The following IPP variants were observed in gnomAD, a reference collection of about 807,000 sequenced individuals.
The protein encoded by IPP is intracisternal A particle-promoted polypeptide, also known as actin-binding protein IPP.
In IPP, 41 loss-of-function variants were observed where a neutral mutation model predicts 64.1. The ratio of observed to expected loss-of-function variants is 0.64; its 90% confidence interval spans 0.50 to 0.83. The LOEUF (loss-of-function observed/expected upper bound fraction) is 0.83. IPP is among the 40% of genes least tolerant of loss of function. The probability of loss-of-function intolerance (pLI) is 0.00; values close to 1 mark genes in which losing one functional copy is unlikely to be tolerated. For missense variants in IPP, 649 were observed against 703.0 expected, an observed-to-expected ratio of 0.92 and a Z score of 0.87; for synonymous variants, 214 against 235.2, an observed-to-expected ratio of 0.91 and a Z score of 0.83.
intron 8 of IPP, among the ~76,000 whole-genome samples, chr1:45,706,238 T>C (rs1034551636): frequency 6.6e-6 from 1 of 152,098 alleles, no homozygotes; most frequent in East Asian, 1.9e-4. Context: ...AAAAGAGTCA[T>C]GCTTTAGTAA....
At chr1:45,726,178 G>C (rs953893691) in intron 5 of IPP, among the ~76,000 whole-genome samples, 12 of 150,450 alleles carry the variant, frequency 8.0e-5, no homozygotes. Flanking sequence ...AAAAAAAATG[G>C]CCGGGCATGG....
downstream of IPP, among the ~76,000 whole-genome samples, chr1:45,695,443 G>C (rs1569930371): frequency 1.3e-5 from 2 of 152,132 alleles, no homozygotes; most frequent in Admixed American, 1.3e-4. Flanking sequence ...TTGCAGGCGT[G>C]AGCCACTGCA....
chr1:45,746,223 T>A lies in IPP; in HGVS notation c.189A>T (p.Ala63=). 1 of 1,614,198 alleles carries A rather than the reference T, an allele frequency of 6.2e-7. No homozygotes were observed. ...LVLAASSPYF[A]ALFTGGMKES... is the part of the protein sequence containing the mutation. ...CTTTCATTCCTCCAGTGAACAAAGCTGCAAAGTAAGGACTGCTGGCAGCCA... is the reference window on the plus strand; with the variant it reads ...CTTTCATTCCTCCAGTGAACAAAGCAGCAAAGTAAGGACTGCTGGCAGCCA... Residue 63 remains alanine (A), a synonymous_variant, in exon 2 of 9, where the codon GCA becomes GCT. Coordinates refer to ENST00000396478, the MANE Select transcript of IPP (RefSeq NM_005897.3).
At chr1:45,741,403 T>C in intron 2 of IPP, 71 bp from the exon 3 acceptor site, 1 of 1,044,388 alleles carries the variant, frequency 9.6e-7, no homozygotes, top group South Asian at 1.6e-5. Context: ...TCAAAAAGTA[T>C]TATACTTGAT....
At chr1:45,717,127 G>T in intron 6 of IPP, 110 bp from the exon 7 acceptor site, 1 of 943,646 alleles carries the variant, frequency 1.1e-6, no homozygotes, top group South Asian at 1.6e-5. Context: ...TATCACATGA[G>T]CCAAAGAGGT....
intron 1 of IPP, among the ~76,000 whole-genome samples, chr1:45,750,173 CAGAA>C (rs1646202386): frequency 6.6e-6 from 1 of 152,248 alleles, no homozygotes; most frequent in African/African-American, 2.4e-5. Context: ...AAAGGGGTGT[CAGAA>C]AGAATCCCCG....
chr1:45,725,051 T>C (rs1570002565), intron 5 of IPP, among the ~76,000 whole-genome samples: 7 of 131,076 alleles, frequency 5.3e-5, no homozygotes, highest in South Asian at 2.8e-4. Flanking sequence ...AGCCGCCCCG[T>C]CCGGGAGGGA....
intron 2 of IPP, among the ~76,000 whole-genome samples, chr1:45,742,900 T>G (rs1405060778): frequency 5.3e-5 from 8 of 152,096 alleles, no homozygotes; most frequent in Admixed American, 2.0e-4. Context: ...TATACCACTT[T>G]CTTTTCCAAG....
rs1266848654 is a variant in IPP at position 45,698,952 on chromosome 1, G to A, written c.*1014C>T. On this transcript the variant is annotated 3_prime_UTR_variant, in exon 9 of 9. Transcript: ENST00000396478. ...GCCCAGGCTAGTCTCGAACTCCTGA[G>A]TTCAAGCCATCTTCCCGTCTCACCT... 4.2e-6 allele frequency: 3 copies of A among 716,366 alleles called. No homozygotes were observed. The highest frequency in any genetic ancestry group is 1.9e-5 in the African/African-American group (1 of 51,848). 44.4% of individuals were successfully genotyped at this position (716,366 alleles called of 1,614,324 possible). A position where few individuals can be genotyped will look rare whatever the true frequency, so the allele number is the denominator to read the frequency against.
intron 8 of IPP, among the ~76,000 whole-genome samples, chr1:45,701,880 A>G (rs76775457): frequency 0.01 from 1,561 of 152,332 alleles, 13 homozygotes; most frequent in Non-Finnish European, 0.016. Flanking sequence ...CAGTTAGTGT[A>G]TGTTTGCTGA....
intron 3 of IPP, among the ~76,000 whole-genome samples, chr1:45,736,677 A>C (rs1199589459): frequency 6.6e-6 from 1 of 152,124 alleles, no homozygotes; most frequent in Non-Finnish European, 1.5e-5. Flanking sequence ...GGCATGCTTA[A>C]AAAACACTTC....
intron 3 of IPP, among the ~76,000 whole-genome samples, chr1:45,734,759 A>G (rs1645954556): frequency 6.6e-6 from 1 of 151,956 alleles, no homozygotes; most frequent in Non-Finnish European, 1.5e-5. Context: ...GGCTGGGAAT[A>G]CAGACATGCA....
intron 6 of IPP, among the ~76,000 whole-genome samples, chr1:45,717,599 C>A (rs1045345712): frequency 3.3e-5 from 5 of 151,946 alleles, no homozygotes; most frequent in African/African-American, 1.2e-4. Context: ...GCAAGCTCCA[C>A]CTCCTGGGTT....
At chr1:45,748,580 G>C (rs1275896758) in intron 1 of IPP, among the ~76,000 whole-genome samples, 1 of 152,180 alleles carries the variant, frequency 6.6e-6, no homozygotes, top group East Asian at 1.9e-4. Context: ...GCTGAGGTGG[G>C]AGGACCACCT....
At chr1:45,715,642 A>G (rs1645648454) in intron 7 of IPP, among the ~76,000 whole-genome samples, 1 of 148,530 alleles carries the variant, frequency 6.7e-6, no homozygotes, top group African/African-American at 2.5e-5. Context: ...CTCCATCTCA[A>G]AAAAAAAAAA....
intron 5 of IPP, among the ~76,000 whole-genome samples, chr1:45,725,569 C>T (rs1379453163): frequency 2.3e-5 from 3 of 132,092 alleles, no homozygotes; most frequent in Middle Eastern, 4.5e-3. Flanking sequence ...TGCCCGGCCA[C>T]GACCCCGTCT....
intron 5 of IPP, among the ~76,000 whole-genome samples, chr1:45,726,753 C>T (rs535973815): frequency 3.9e-4 from 50 of 129,314 alleles, no homozygotes; most frequent in Non-Finnish European, 6.1e-4. Context: ...GATGGAGTTT[C>T]GCTCTTGTTG....
At position 45,699,557 on chromosome 1, in the gene IPP, G is replaced by A; in HGVS notation, c.*409C>T. The A allele has an allele frequency of 1.0e-6, 1 of 990,756 alleles. No individual in the cohort carries two copies. Among genetic ancestry groups the A allele is most frequent in the Non-Finnish European group, 1.2e-6 (1 of 832,620 alleles). 61.4% of individuals were successfully genotyped at this position (990,756 alleles called of 1,614,324 possible). A position where few individuals can be genotyped will look rare whatever the true frequency, so the allele number is the denominator to read the frequency against. On this transcript the variant is annotated 3_prime_UTR_variant, in exon 9 of 9. Coordinates refer to ENST00000396478, the MANE Select transcript of IPP (RefSeq NM_005897.3). ...ACTGGAGAATTCTACAGCATAAATG[G>A]CATTTCTATTATTAGTAAACCTGGC...
At chr1:45,714,150 G>A in intron 8 of IPP, 96 bp downstream of exon 8, 1 of 870,226 alleles carries the variant, frequency 1.1e-6, no homozygotes, top group Non-Finnish European at 1.8e-6. Flanking sequence ...ATCCACGAAT[G>A]ATCAATATCA....
Sources: allele counts gnomAD v4.1 joint callset (sites outside exome capture counted in the v4.1 genomes callset), GRCh38; gene constraint gnomAD v4.1.1; transcripts MANE v1.5; gene names NCBI Gene and HGNC (gene_info 2026-07-23, HGNC 2026-07-21).